SOS1: variants seen among roughly 807,000 people sequenced by gnomAD.
SOS1 encodes the protein SOS Ras/Rac guanine nucleotide exchange factor 1, also known as son of sevenless homolog 1.
In SOS1, 25 loss-of-function variants were observed where a neutral mutation model predicts 157.6. That is an observed-to-expected ratio of 0.16 (90% CI 0.12 to 0.22). SOS1 has a LOEUF of 0.22. Ranked by LOEUF, SOS1 falls within the 10% of genes least tolerant of loss-of-function variation. The pLI, the probability that SOS1 is intolerant of heterozygous loss-of-function variation, is 1.00. For missense variants in SOS1, 1,237 were observed against 1,599.1 expected (o/e 0.77, Z 3.86); for synonymous variants, 528 against 534.0 (o/e 0.99, Z 0.16).
At chr2:39,015,962 T>G (rs966734629) in intron 10 of SOS1, among the ~76,000 whole-genome samples, 1 of 151,978 alleles carries the variant, frequency 6.6e-6, no homozygotes, top group South Asian at 2.1e-4. Flanking sequence ...CTACATAATG[T>G]GGGTCAAAGT....
chr2:39,099,433 G>A (rs1672888131), intron 1 of SOS1, among the ~76,000 whole-genome samples: 1 of 152,202 alleles, frequency 6.6e-6, no homozygotes. Flanking sequence ...ATGGTTACCT[G>A]GGGCTGGAGG....
chr2:39,042,497 G>C (rs1670605501), intron 6 of SOS1, among the ~76,000 whole-genome samples: 1 of 152,014 alleles, frequency 6.6e-6, no homozygotes, highest in Non-Finnish European at 1.5e-5. Flanking sequence ...TCCGCCTCCT[G>C]GGTTCAAGTG....
At chr2:39,003,636 A>T in intron 17 of SOS1, among the ~76,000 whole-genome samples, 1 of 152,220 alleles carries the variant, frequency 6.6e-6, no homozygotes, top group South Asian at 2.1e-4. Flanking sequence ...TAATAAGGGG[A>T]AATGCTAAAT....
At chr2:39,005,885 A>C (rs558019138) in intron 17 of SOS1, among the ~76,000 whole-genome samples, 1 of 152,100 alleles carries the variant, frequency 6.6e-6, no homozygotes, top group Non-Finnish European at 1.5e-5. Flanking sequence ...AAGAACGGAA[A>C]AAGATAGAGG....
intron 2 of SOS1, among the ~76,000 whole-genome samples, chr2:39,064,859 C>T (rs985725354): frequency 1.5e-5 from 2 of 135,068 alleles, no homozygotes; most frequent in African/African-American, 5.6e-5. Context: ...AGTGGTTCTC[C>T]TGCCTCAGCT....
intron 8 of SOS1, among the ~76,000 whole-genome samples, chr2:39,031,598 C>T (rs373768359): frequency 6.6e-5 from 10 of 151,994 alleles, no homozygotes; most frequent in South Asian, 4.2e-4. Context: ...GGCGTAGTGG[C>T]GGGCGTCTGT....
At position 38,985,713 on chromosome 2, in the gene SOS1, C is replaced by T. The variant is rs1355472176; in HGVS notation, c.*111G>A. 9.5e-6 allele frequency: 11 copies of T among 1,156,604 alleles called. No homozygotes were observed. Among genetic ancestry groups the T allele is most frequent in the African/African-American group, 1.5e-5 (1 of 65,828 alleles). The allele number at this position is 1,156,604 out of a possible 1,614,324, so 71.6% of individuals were successfully genotyped here. On this transcript the variant is annotated 3_prime_UTR_variant, in exon 23 of 23. Coordinates refer to ENST00000402219, the MANE Select transcript of SOS1 (RefSeq NM_005633.4). ...CTTATACTGCATCTTGAAGAAGAGT[C>T]GTTAGTGTTTGGAGTTCTCATTTTA...
intron 2 of SOS1, among the ~76,000 whole-genome samples, chr2:39,059,777 C>T (rs1364202900): frequency 6.6e-6 from 1 of 152,080 alleles, no homozygotes; most frequent in Non-Finnish European, 1.5e-5. Context: ...ATCTTAAGAG[C>T]AAATCTATAA....
intron 6 of SOS1, among the ~76,000 whole-genome samples, chr2:39,039,380 A>T (rs888182830): frequency 2.0e-5 from 3 of 152,224 alleles, no homozygotes; most frequent in Non-Finnish European, 4.4e-5. Flanking sequence ...CAAAGTGATT[A>T]TATCGATTTA....
intron 2 of SOS1, among the ~76,000 whole-genome samples, chr2:39,061,419 G>A (rs1378769937): frequency 6.6e-6 from 1 of 151,902 alleles, no homozygotes; most frequent in Non-Finnish European, 1.5e-5. Flanking sequence ...ACAGGGTCTC[G>A]ATCTATCACC....
At chr2:39,008,678 C>A (rs894095235) in intron 15 of SOS1, among the ~76,000 whole-genome samples, 1 of 152,098 alleles carries the variant, frequency 6.6e-6, no homozygotes, top group Non-Finnish European at 1.5e-5. Flanking sequence ...AATTTGATTG[C>A]ATTATTTTGT....
intron 1 of SOS1, among the ~76,000 whole-genome samples, chr2:39,101,880 T>C (rs559857020): frequency 2.4e-4 from 36 of 152,180 alleles, no homozygotes; most frequent in African/African-American, 6.5e-4. Context: ...TGCCTATGTA[T>C]TGAGTTTCAT....
intron 6 of SOS1, among the ~76,000 whole-genome samples, chr2:39,039,623 T>C (rs540882432): frequency 3.9e-5 from 6 of 152,252 alleles, no homozygotes; most frequent in Non-Finnish European, 8.8e-5. Flanking sequence ...TTTTATTAGC[T>C]TGACTTTACA....
At chr2:39,078,065 T>C (rs2148162789) in intron 1 of SOS1, among the ~76,000 whole-genome samples, 1 of 152,096 alleles carries the variant, frequency 6.6e-6, no homozygotes, top group East Asian at 1.9e-4. Context: ...AATAACAAAG[T>C]TTTAATAAAA....
chr2:39,003,984 A>C (rs1353581833), intron 17 of SOS1, among the ~76,000 whole-genome samples: 1 of 152,188 alleles, frequency 6.6e-6, no homozygotes, highest in East Asian at 1.9e-4. Flanking sequence ...ATTAAAAAAA[A>C]ATTGTCTCCA....
intron 15 of SOS1, among the ~76,000 whole-genome samples, chr2:39,009,342 A>G (rs1389405347): frequency 1.3e-5 from 2 of 152,204 alleles, no homozygotes; most frequent in Non-Finnish European, 2.9e-5. Context: ...AAAAACTGAG[A>G]GAATTTGTTG....
chr2:39,105,046 A>C (rs1673113976), intron 1 of SOS1, among the ~76,000 whole-genome samples: 1 of 152,200 alleles, frequency 6.6e-6, no homozygotes, highest in East Asian at 1.9e-4. Flanking sequence ...AATCAAAGAA[A>C]AAGTTATTAA....
intron 1 of SOS1, among the ~76,000 whole-genome samples, chr2:39,076,143 C>T (rs535733992): frequency 3.3e-5 from 5 of 152,250 alleles, no homozygotes; most frequent in African/African-American, 1.2e-4. Flanking sequence ...GGTGTGATGG[C>T]TCATGCCTAC....
At chr2:39,112,197 G>A (rs1374781567) in intron 1 of SOS1, among the ~76,000 whole-genome samples, 1 of 151,520 alleles carries the variant, frequency 6.6e-6, no homozygotes, top group East Asian at 1.9e-4. Flanking sequence ...CTCTACTGCC[G>A]CTACCTGCAA....
Sources: gnomAD v4.1 joint callset for allele counts (sites outside exome capture counted in the v4.1 genomes callset) on GRCh38, gnomAD v4.1.1 for gene constraint, MANE v1.5 for transcripts, NCBI Gene and HGNC (gene_info 2026-07-23, HGNC 2026-07-21) for gene names.